ADGRL2: variants seen among roughly 807,000 people sequenced by gnomAD.
ADGRL2 encodes adhesion G protein-coupled receptor L2.
Under a neutral mutation model 157.4 loss-of-function variants are expected in ADGRL2, and 44 were observed. That is an observed-to-expected ratio of 0.28 (90% CI 0.22 to 0.36). The LOEUF is 0.36. ADGRL2 is among the 10% of genes least tolerant of loss of function. The probability of loss-of-function intolerance (pLI) is 1.00; values close to 1 mark genes in which losing one functional copy is unlikely to be tolerated. For synonymous variants in ADGRL2, 585 were observed against 624.7 expected, an observed-to-expected ratio of 0.94 and a Z score of 0.95; for missense variants, 1,510 against 1,768.9, an observed-to-expected ratio of 0.85 and a Z score of 2.63.
intron 5 of ADGRL2, 155 bp from the exon 6 acceptor site, chr1:81,942,814 G>A (rs1041450389): frequency 2.9e-6 from 2 of 697,894 alleles, no homozygotes; most frequent in African/African-American, 3.5e-5. Flanking sequence ...GCTAACTTTA[G>A]AAAAGAAGGG....
intron 16 of ADGRL2, 141 bp from the exon 17 acceptor site, chr1:81,971,711 G>A: frequency 3.9e-6 from 2 of 510,898 alleles, no homozygotes; most frequent in Non-Finnish European, 7.0e-6. Context: ...AGAATTATTA[G>A]AGGTCTTGCA....
chr1:81,446,443 G>A (rs566473607), intron 2 of ADGRL2, among the ~76,000 whole-genome samples: 15 of 152,252 alleles, frequency 9.9e-5, no homozygotes, highest in Non-Finnish European at 2.2e-4. Context: ...TAGGGCCAAT[G>A]ACTTCATCCG....
At chr1:81,984,782 A>C in intron 20 of ADGRL2, 71 bp downstream of exon 20, 1 of 1,483,304 alleles carries the variant, frequency 6.7e-7, no homozygotes, top group Non-Finnish European at 9.2e-7. Flanking sequence ...TGTTCTGTTC[A>C]GATGCACTAA....
At position 81,464,526 on chromosome 1, in the gene ADGRL2, A is replaced by C. The variant is rs12032243; in HGVS notation, c.-248+19437A>C. Among the ~76,000 whole-genome samples, 3,289 of 152,232 alleles carry C rather than the reference A, an allele frequency of 0.022. 336 individuals are homozygous for C. In the East Asian group the frequency reaches 0.34, roughly 16 times the overall value. On this transcript the variant is annotated intron_variant, in intron 2 of 24. Transcript: ENST00000370721. The stretch of plus-strand genomic sequence containing the variant: ...CGTTATGTAAATGAAACTGATTTCA[A>C]GTCTAATTTGTCAGCCTGAATTCTT...
intron 1 of ADGRL2, among the ~76,000 whole-genome samples, chr1:81,418,842 G>A (rs1205724281): frequency 3.3e-5 from 5 of 152,152 alleles, no homozygotes; most frequent in Admixed American, 2.6e-4. Context: ...AATATGTAGC[G>A]ATTTAACTAA....
intron 2 of ADGRL2, among the ~76,000 whole-genome samples, chr1:81,864,462 C>T (rs1335388378): frequency 6.6e-6 from 1 of 152,086 alleles, no homozygotes; most frequent in African/African-American, 2.4e-5. Flanking sequence ...CAGAATATTG[C>T]ACCTAAGAAT....
At chr1:81,445,443 G>C (rs532734554) in intron 2 of ADGRL2, among the ~76,000 whole-genome samples, 1 of 87,182 alleles carries the variant, frequency 1.1e-5, no homozygotes, top group African/African-American at 3.3e-5. Context: ...ATCAGTTAAA[G>C]TTGCTATTTT....
chr1:81,972,055 T>C, intron 17 of ADGRL2, 137 bp downstream of exon 17: 1 of 442,802 alleles, frequency 2.3e-6, no homozygotes, highest in Non-Finnish European at 4.0e-6. Flanking sequence ...AGGATAATAG[T>C]ATATTTTAAA....
intron 1 of ADGRL2, among the ~76,000 whole-genome samples, 160 bp downstream of exon 1, chr1:81,801,228 G>T (rs1343450615): frequency 6.6e-6 from 1 of 152,186 alleles, no homozygotes; most frequent in Non-Finnish European, 1.5e-5. Context: ...GAGTTTGCCC[G>T]AGCCCCTTGC....
intron 3 of ADGRL2, among the ~76,000 whole-genome samples, chr1:81,615,705 A>G (rs1299995002): frequency 2.0e-5 from 3 of 152,214 alleles, no homozygotes; most frequent in African/African-American, 7.2e-5. Context: ...AAGGAGCATT[A>G]TTTGAGGTCC....
At chr1:81,337,127 G>A (rs1176264383) in intron 1 of ADGRL2, among the ~76,000 whole-genome samples, 1 of 152,126 alleles carries the variant, frequency 6.6e-6, no homozygotes, top group Non-Finnish European at 1.5e-5. Context: ...CCCCTTTCCA[G>A]CTCTCCATCC....
intron 1 of ADGRL2, among the ~76,000 whole-genome samples, chr1:81,368,402 G>A (rs1355678048): frequency 6.6e-6 from 1 of 152,132 alleles, no homozygotes; most frequent in Non-Finnish European, 1.5e-5. Flanking sequence ...CACTTTCCAA[G>A]TCTTGTCAAC....
chr1:81,347,392 C>T (rs557894616), intron 1 of ADGRL2, among the ~76,000 whole-genome samples: 2 of 151,142 alleles, frequency 1.3e-5, no homozygotes, highest in South Asian at 2.1e-4. Context: ...CAGAGAGAGA[C>T]TGTTTCAAAA....
chr1:81,958,919 T>A (rs1017383745), intron 11 of ADGRL2, among the ~76,000 whole-genome samples: 9 of 152,252 alleles, frequency 5.9e-5, no homozygotes, highest in African/African-American at 2.2e-4. Context: ...TTGCTGCTTT[T>A]ATGCAGAGGA....
chr1:81,362,303 A>T (rs540395722), intron 1 of ADGRL2, among the ~76,000 whole-genome samples: 2 of 152,058 alleles, frequency 1.3e-5, no homozygotes, highest in East Asian at 3.9e-4. Flanking sequence ...AGATTTTTCA[A>T]AACTAAGAGC....
chr1:81,319,883 T>C (rs940278183), intron 1 of ADGRL2, among the ~76,000 whole-genome samples: 1 of 152,214 alleles, frequency 6.6e-6, no homozygotes, highest in African/African-American at 2.4e-5. Flanking sequence ...TTGCAGTGGC[T>C]GTTGCAATTT....
At chr1:81,474,506 A>G (rs953977622) in intron 2 of ADGRL2, among the ~76,000 whole-genome samples, 3 of 152,220 alleles carry the variant, frequency 2.0e-5, no homozygotes, top group African/African-American at 7.2e-5. Flanking sequence ...AGCATGTTCA[A>G]TAACCTGGAC....
intron 1 of ADGRL2, among the ~76,000 whole-genome samples, chr1:81,384,577 C>T (rs10874230): frequency 0.9 from 137,221 of 152,224 alleles, 62,335 homozygotes; most frequent in East Asian, 0.96. Flanking sequence ...CTTTGAATTG[C>T]GTAAAATAAC....
At chr1:81,970,601 G>T (rs1478754388) in intron 16 of ADGRL2, 67 bp downstream of exon 16, 2 of 1,166,268 alleles carry the variant, frequency 1.7e-6, no homozygotes, top group African/African-American at 1.5e-5. Context: ...TTAGCTGTCA[G>T]TGAGGGTCCC....
Sources: gnomAD v4.1 joint callset for allele counts (sites outside exome capture counted in the v4.1 genomes callset) on GRCh38, gnomAD v4.1.1 for gene constraint, MANE v1.5 for transcripts, NCBI Gene and HGNC (gene_info 2026-07-23, HGNC 2026-07-21) for gene names.